The following USP20 variants were observed in gnomAD, a reference collection of about 807,000 sequenced individuals.
The protein encoded by USP20 is ubiquitin specific peptidase 20.
In USP20, 80 loss-of-function variants were observed where a neutral mutation model predicts 124.2. The observed-to-expected ratio is 0.64, with a 90% CI of 0.54 to 0.78. USP20 has a LOEUF of 0.78. Among genes scored for constraint, USP20 ranks in the 30% least tolerant of loss-of-function variants. The pLI, the probability that USP20 is intolerant of heterozygous loss-of-function variation, is 0.00. For missense variants in USP20, 1,043 were observed against 1,244.4 expected, an observed-to-expected ratio of 0.84 and a Z score of 2.44; for synonymous variants, 481 against 512.3, an observed-to-expected ratio of 0.94 and a Z score of 0.83.
At position 129,850,018 on chromosome 9, in the gene USP20, T is replaced by TG. The variant is rs1246199789; in HGVS notation, c.-17+98dup. The TG allele has an allele frequency of 4.1e-5, 6 of 145,876 alleles. No homozygotes were observed. In the South Asian group the frequency reaches 8.7e-4, roughly 21 times the overall value. 9.0% of individuals were successfully genotyped at this position (145,876 alleles called of 1,614,324 possible). ...AGATGAAAGAATGGAATTGTGATTA[T>TG]GGGGTTTTTTTTTTTAAGTCTTTAT... On this transcript the variant is annotated intron_variant, in intron 2 of 25. Coordinates refer to ENST00000372429, the MANE Select transcript of USP20 (RefSeq NM_001110303.4).
At chr9:129,836,066 G>A (rs1308790710) in intron 1 of USP20, among the ~76,000 whole-genome samples, 1 of 152,182 alleles carries the variant, frequency 6.6e-6, no homozygotes, top group East Asian at 1.9e-4. Flanking sequence ...ACCTTCACGG[G>A]TCTGGTTTTC....
chr9:129,876,125 C>T lies in USP20; in HGVS notation c.2301-5C>T, dbSNP rs775430155. ...CCGTGTCTCTCTCTCCCACCCTGGGCACAGATTCGGGGGTGGCCCCGCCGT... is the reference window on the plus strand; with the variant it reads ...CCGTGTCTCTCTCTCCCACCCTGGGTACAGATTCGGGGGTGGCCCCGCCGT... On this transcript the variant is annotated splice_region_variant and splice_polypyrimidine_tract_variant and intron_variant, in intron 21 of 25. Coordinates refer to ENST00000372429, the MANE Select transcript of USP20 (RefSeq NM_001110303.4). The T allele has an allele frequency of 1.2e-6, 2 of 1,611,592 alleles. No individual in the cohort carries two copies. The highest frequency in any genetic ancestry group is 2.2e-5 in the East Asian group (1 of 44,830).
chr9:129,840,970 C>T (rs181587655), intron 1 of USP20, among the ~76,000 whole-genome samples: 107 of 152,208 alleles, frequency 7.0e-4, no homozygotes, highest in Middle Eastern at 3.4e-3. Context: ...GGGGTTTCAC[C>T]ACGTTGGCCA....
chr9:129,881,286 C>T lies in USP20; in HGVS notation c.*836C>T, dbSNP rs1341060559. The T allele has an allele frequency of 1.3e-5, 2 of 152,374 alleles. No homozygotes were observed. The highest frequency in any genetic ancestry group is 4.8e-5 in the African/African-American group (2 of 41,470). 9.4% of individuals were successfully genotyped at this position (152,374 alleles called of 1,614,324 possible). A position where few individuals can be genotyped will look rare whatever the true frequency, so the allele number is the denominator to read the frequency against. ...TGATGCTAAAGAAGACAGACTTTCC[C>T]TTCCTCCCAGCAGCAGCAGTGCAGA... On this transcript the variant is annotated 3_prime_UTR_variant, in exon 26 of 26. Transcript: ENST00000372429.
intron 15 of USP20, among the ~76,000 whole-genome samples, chr9:129,871,073 GTA>G: frequency 6.6e-6 from 1 of 152,174 alleles, no homozygotes; most frequent in Non-Finnish European, 1.5e-5. Flanking sequence ...GCACAGTCGA[GTA>G]GTGTTAAATA....
intron 4 of USP20, among the ~76,000 whole-genome samples, chr9:129,857,260 C>A (rs1172885105): frequency 6.6e-6 from 1 of 152,230 alleles, no homozygotes; most frequent in Non-Finnish European, 1.5e-5. Context: ...TGGGCTGTTA[C>A]AAGTGCAGGA....
rs369154976 is a variant in USP20 at position 129,875,494 on chromosome 9, G to A, written c.2218+15G>A. 44 of 1,612,322 alleles carry A rather than the reference G, an allele frequency of 2.7e-5. No individual in the cohort carries two copies. The highest frequency in any genetic ancestry group is 3.5e-5 in the Non-Finnish European group (41 of 1,179,066). ...CTCCCACGGAGGTGAGGCGCCCCCT[G>A]TGGTGGGAGAGCAGGGTGGGCAGCT... On this transcript the variant is annotated intron_variant, in intron 20 of 25. Transcript: ENST00000372429.
chr9:129,860,827 G>A, intron 6 of USP20, 110 bp from the exon 7 acceptor site: 3 of 1,125,526 alleles, frequency 2.7e-6, no homozygotes, highest in Non-Finnish European at 4.0e-6. Flanking sequence ...GCTCAGCCCA[G>A]TAGGGCCTTC....
intron 1 of USP20, among the ~76,000 whole-genome samples, chr9:129,847,830 C>T (rs2032668782): frequency 6.6e-6 from 1 of 151,918 alleles, no homozygotes; most frequent in Non-Finnish European, 1.5e-5. Context: ...TTTCTATCAT[C>T]ATCAGTTTTG....
chr9:129,860,880 G>T, intron 6 of USP20, 57 bp from the exon 7 acceptor site: 1 of 1,569,820 alleles, frequency 6.4e-7, no homozygotes, highest in South Asian at 1.1e-5. Flanking sequence ...AGACACCTGG[G>T]CCTCTGACCC....
Position 129,880,237 on chromosome 9 carries a change from G to A in USP20, c.2709G>A (p.Gly903=). ...AQPLGPENLH[G]EQKIEAETRA... is the part of the protein sequence containing the mutation. ...CGCTGGGCCCAGAGAACCTGCACGGGGAGCAGAAGATCGAAGCCGAGACGC... is the reference window on the plus strand; with the variant it reads ...CGCTGGGCCCAGAGAACCTGCACGGAGAGCAGAAGATCGAAGCCGAGACGC... The change falls in exon 25 of 26, where the codon GGG becomes GGA. Residue 903 remains glycine (G), a synonymous_variant. Transcript: ENST00000372429. 1 of 1,612,266 alleles carries A rather than the reference G, an allele frequency of 6.2e-7. No homozygotes were observed. The highest frequency in any genetic ancestry group is 8.5e-7 in the Non-Finnish European group (1 of 1,179,540).
chr9:129,880,467 C>T lies in USP20; in HGVS notation c.*17C>T. The T allele has an allele frequency of 8.5e-6, 6 of 705,764 alleles. No homozygotes were observed. Among genetic ancestry groups the T allele is most frequent in the East Asian group, 2.8e-5 (1 of 36,026 alleles). 43.7% of individuals were successfully genotyped at this position (705,764 alleles called of 1,614,324 possible). ...CTGCTGAGTGCCCGTGTCCCCACAG[C>T]CCCATGTGCCCCACCCCGCGGAAGG... is the stretch of plus-strand genomic sequence containing the variant. On this transcript the variant is annotated splice_region_variant and 3_prime_UTR_variant, in exon 26 of 26. Transcript: ENST00000372429.
chr9:129,846,248 T>TATATATATGTA lies in USP20; in HGVS notation c.-128-3565_-128-3564insATATATATGTA, dbSNP rs1491285186. Among the ~76,000 whole-genome samples, 42 of 40,598 alleles carry TATATATATGTA rather than the reference T, an allele frequency of 1.0e-3. 1 individual carries two copies. The highest frequency in any genetic ancestry group is 4.8e-3 in the East Asian group (3 of 624). The allele number at this position is 40,598 out of a possible 152,430, so 26.6% of individuals were successfully genotyped here. A position where few individuals can be genotyped will look rare whatever the true frequency, so the allele number is the denominator to read the frequency against. On this transcript the variant is annotated intron_variant, in intron 1 of 25. Transcript: ENST00000372429. ...CCAGCCATATATATATATATATATA[T>TATATATATGTA]TTTTTTTTTTTTTTTTTTTTTTTTT...
rs2071620 is a variant in USP20, at chr9:129,875,199, G to C, written c.2049-111G>C. 6.0e-4 allele frequency: 780 copies of C among 1,302,590 alleles called. 10 individuals carry two copies. In the East Asian group the frequency reaches 0.018, roughly 31 times the overall value. 80.7% of individuals were successfully genotyped at this position (1,302,590 alleles called of 1,614,324 possible). A position where few individuals can be genotyped will look rare whatever the true frequency, so the allele number is the denominator to read the frequency against. On this transcript the variant is annotated intron_variant, in intron 19 of 25. Transcript: ENST00000372429. ...ATGTCCAGGACCCGTGAAGGACCCAGGAGGTGGTGGACAGGGCCGGTAGCC... is the reference window on the plus strand; with the variant it reads ...ATGTCCAGGACCCGTGAAGGACCCACGAGGTGGTGGACAGGGCCGGTAGCC...
intron 10 of USP20, among the ~76,000 whole-genome samples, chr9:129,866,979 C>T (rs2033849320): frequency 6.6e-6 from 1 of 152,150 alleles, no homozygotes; most frequent in African/African-American, 2.4e-5. Context: ...CTGAGCCCTC[C>T]CTTCCCTGCA....
At chr9:129,867,950 A>G (rs1588275584) in intron 10 of USP20, 55 bp from the exon 11 acceptor site, 1 of 1,558,934 alleles carries the variant, frequency 6.4e-7, no homozygotes, top group Non-Finnish European at 8.7e-7. Context: ...AGGGCGCTGG[A>G]GACTGGTTCC....
chr9:129,880,172 G>A lies in USP20; in HGVS notation c.2644G>A (p.Gly882Ser). Residue 882 changes from glycine to serine, a missense_variant, in exon 25 of 26, where the codon GGT becomes AGT. Transcript: ENST00000372429. ...GACCTACCTGAACAGCCTGTATGGA[G>A]GTGGCCCCGAGATTGCCATCCGCCA... The part of the protein sequence containing the change: ...TWTYLNSLYG[G>S]GPEIAIRQSV... 6.2e-7 allele frequency: 1 copy of A among 1,613,956 alleles called. No individual in the cohort carries two copies. The highest frequency in any genetic ancestry group is 1.1e-5 in the South Asian group (1 of 91,088).
At chr9:129,836,831 C>T (rs1004545728) in intron 1 of USP20, among the ~76,000 whole-genome samples, 11 of 152,130 alleles carry the variant, frequency 7.2e-5, no homozygotes, top group African/African-American at 2.4e-4. Context: ...TACGGAGTCC[C>T]TGTCAGATGA....
Position 129,869,357 on chromosome 9 carries a change from C to G in USP20, c.1324C>G (p.Arg442Gly). Residue 442 changes from arginine (R) to glycine (G), a missense_variant, in exon 13 of 26, where the codon CGC becomes GGC. Transcript: ENST00000372429. ...CCGGAGGCGGAAGGAGCAGCGCTAC[C>G]GCAGCGTCATCTCAGACATCTTTGA... ...GSRRRKEQRY[R>G]SVISDIFDGS... is the part of the protein sequence containing the mutation. 6.2e-7 allele frequency: 1 copy of G among 1,613,752 alleles called. No individual in the cohort carries two copies. The highest frequency in any genetic ancestry group is 8.5e-7 in the Non-Finnish European group (1 of 1,180,026).
Sources: gnomAD v4.1 joint callset for allele counts (sites outside exome capture counted in the v4.1 genomes callset) on GRCh38, gnomAD v4.1.1 for gene constraint, MANE v1.5 for transcripts, NCBI Gene and HGNC (gene_info 2026-07-23, HGNC 2026-07-21) for gene names.